NEK3: variants seen among roughly 807,000 people sequenced by gnomAD.
NEK3 encodes the protein serine/threonine-protein kinase Nek3.
Under a neutral mutation model 66.0 loss-of-function variants are expected in NEK3, and 54 were observed. The ratio of observed to expected loss-of-function variants is 0.82; its 90% CI spans 0.66 to 1.03. NEK3 has a LOEUF of 1.03. NEK3 is among the 50% of genes least tolerant of loss of function. The probability of loss-of-function intolerance (pLI) is 0.00; values close to 1 mark genes in which losing one functional copy is unlikely to be tolerated. For missense variants in NEK3, 593 were observed against 603.0 expected (o/e 0.98, Z 0.17); for synonymous variants, 200 against 206.2 (o/e 0.97, Z 0.26).
intron 11 of NEK3, among the ~76,000 whole-genome samples, chr13:52,140,616 A>G (rs1236817791): frequency 3.3e-5 from 5 of 151,914 alleles, no homozygotes; most frequent in Non-Finnish European, 7.4e-5. Flanking sequence ...TCAAATAATA[A>G]TAATAATAAA....
At position 52,136,850 on chromosome 13, in the gene NEK3, T is replaced by C; in HGVS notation, c.980A>G (p.Asn327Ser). The C allele has an allele frequency of 6.3e-7, 1 of 1,574,944 alleles. No homozygotes were observed. The highest frequency in any genetic ancestry group is 1.2e-5 in the South Asian group (1 of 85,756). The change falls in exon 12 of 16, where the codon AAT becomes AGT. Residue 327 changes from asparagine (N) to serine (S), a missense_variant. Physicochemically the swap from Asn to Ser is conservative, Grantham distance 46 (BLOSUM62 1). Transcript: ENST00000610828. ...CAATGCACTTTCAACTAAATTTTCA[T>C]TAATGCTTTCCAAATCAGTATGGCT... The part of the protein sequence containing the change: ...KGSHTDLESI[N>S]ENLVESALRR...
intron 2 of NEK3, 71 bp from the exon 3 acceptor site, chr13:52,154,244 G>A: frequency 1.0e-6 from 1 of 964,254 alleles, no homozygotes; most frequent in Non-Finnish European, 1.5e-6. Flanking sequence ...CAATAACATG[G>A]TTTATATGAC....
In NEK3 at chr13:52,144,666, ACAACCAATC is replaced by A. The variant is rs1956278445; in HGVS notation, c.804+16_804+24del. The A allele has an allele frequency of 6.2e-7, 1 of 1,603,242 alleles. No individual in the cohort carries two copies. The highest frequency in any genetic ancestry group is 8.5e-7 in the Non-Finnish European group (1 of 1,170,686). Reference sequence around the variant, plus strand: ...TTTACCATACACTTGAAAACTGTTCACAACCAATCCAACACAGATCATACCTCGGGGGGT... The same window carrying A: ...TTTACCATACACTTGAAAACTGTTCACAACACAGATCATACCTCGGGGGGT... On this transcript the variant is annotated intron_variant, in intron 9 of 15. Transcript: ENST00000610828.
chr13:52,156,439 G>C, intron 1 of NEK3, 191 bp from the exon 2 acceptor site: 1 of 315,450 alleles, frequency 3.2e-6, no homozygotes, highest in Admixed American at 4.8e-5. Context: ...TTTGCTCTTT[G>C]CCCTCCCTTT....
At position 52,156,178 on chromosome 13, in the gene NEK3, A is replaced by G. The variant is rs1956394417; in HGVS notation, c.14T>C (p.Met5Thr). 1.3e-6 allele frequency: 2 copies of G among 1,596,518 alleles called. No homozygotes were observed. Residue 5 changes from methionine (M) to threonine (T), a missense_variant, in exon 2 of 16, where the codon ATG becomes ACG. Transcript: ENST00000610828. ...GCCCTCCCCAATCATTCTCAGGACC[A>G]TGTAGTCATCCATGCTGGGGCATCC... MDDY[M>T]VLRMIGEGSF...
chr13:52,136,122 C>T lies in NEK3; in HGVS notation c.1168G>A (p.Asp390Asn), dbSNP rs370504927. The T allele has an allele frequency of 5.3e-5, 86 of 1,613,598 alleles. No homozygotes were observed. The highest frequency in any genetic ancestry group is 6.7e-5 in the East Asian group (3 of 44,872). Residue 390 changes from aspartate (D) to asparagine (N), a missense_variant, in exon 13 of 16, where the codon GAT becomes AAT. Coordinates refer to ENST00000610828, the MANE Select transcript of NEK3 (RefSeq NM_002498.3). ...ILTSSLTAEDDRGGSVIKYSK... is the reference protein window; with the variant it reads ...ILTSSLTAEDNRGGSVIKYSK... ...ATTCAATCTGACTACTAACCTCTAT[C>T]GTCCTCTGCTGTTAAACTGGAGGTG...
At chr13:52,134,394 A>C (rs1323928108) in intron 14 of NEK3, among the ~76,000 whole-genome samples, 1 of 152,042 alleles carries the variant, frequency 6.6e-6, no homozygotes, top group African/African-American at 2.4e-5. Context: ...CCAATATAAG[A>C]ATGTATATTA....
At position 52,156,234 on chromosome 13, in the gene NEK3, A is replaced by G. The variant is rs758666798; in HGVS notation, c.-43T>C. The G allele has an allele frequency of 2.5e-6, 3 of 1,204,774 alleles. No individual in the cohort carries two copies. Among genetic ancestry groups the G allele is most frequent in the Non-Finnish European group, 3.6e-6 (3 of 831,658 alleles). The allele number at this position is 1,204,774 out of a possible 1,614,324, so 74.6% of individuals were successfully genotyped here. A position where few individuals can be genotyped will look rare whatever the true frequency, so the allele number is the denominator to read the frequency against. ...GCTGGGCTCCACTCACGCAGTCACC[A>G]TGGGCTCTCCCAAACTGCATTCAAA... On this transcript the variant is annotated 5_prime_UTR_variant, in exon 2 of 16. An upstream start codon of the reference 5' UTR is lost. Coordinates refer to ENST00000610828, the MANE Select transcript of NEK3 (RefSeq NM_002498.3).
At position 52,154,144 on chromosome 13, in the gene NEK3, C is replaced by T. The variant is rs772027779; in HGVS notation, c.147G>A (p.Lys49=). The change falls in exon 3 of 16, where the codon AAG becomes AAA. Residue 49 remains lysine, a synonymous_variant. Transcript: ENST00000610828. Reference sequence around the variant, plus strand: ...TCATTTTGGCTAAAAGAACAGCCTCCTTCCTAGAATTCTGTGTATTAGAGA... The same window carrying T: ...TCATTTTGGCTAAAAGAACAGCCTCTTTCCTAGAATTCTGTGTATTAGAGA... ...KSFSNTQNSR[K]EAVLLAKMKH... The T allele has an allele frequency of 1.6e-5, 25 of 1,610,372 alleles. No individual in the cohort carries two copies. Among genetic ancestry groups the T allele is most frequent in the Non-Finnish European group, 2.1e-5 (25 of 1,177,736 alleles).
At chr13:52,140,864 G>A (rs1171454913) in intron 11 of NEK3, among the ~76,000 whole-genome samples, 156 bp downstream of exon 11, 1 of 151,438 alleles carries the variant, frequency 6.6e-6, no homozygotes, top group African/African-American at 2.4e-5. Context: ...CGCCCAGGCT[G>A]GAGTGCAATG....
chr13:52,154,175 T>C lies in NEK3; in HGVS notation c.118-2A>G. The stretch of plus-strand genomic sequence containing the variant: ...AGAATTCTGTGTATTAGAGAAAGAC[T>C]AGAAAAACATTTTAAATAAGCATAA... On this transcript the variant is annotated splice_acceptor_variant, in intron 2 of 15. Coordinates refer to ENST00000610828, the MANE Select transcript of NEK3 (RefSeq NM_002498.3). LOFTEE classifies it high-confidence loss of function. 1 of 1,564,292 alleles carries C rather than the reference T, an allele frequency of 6.4e-7. No individual in the cohort carries two copies. The highest frequency in any genetic ancestry group is 8.7e-7 in the Non-Finnish European group (1 of 1,146,770).
chr13:52,139,433 G>A (rs180789124), intron 11 of NEK3, among the ~76,000 whole-genome samples: 18 of 152,286 alleles, frequency 1.2e-4, no homozygotes, highest in Admixed American at 1.2e-3. Flanking sequence ...GTGGAAGAGG[G>A]AGTTATTGCT....
intron 11 of NEK3, among the ~76,000 whole-genome samples, chr13:52,137,515 T>C (rs1008051778): frequency 2.6e-5 from 4 of 152,186 alleles, no homozygotes; most frequent in Non-Finnish European, 5.9e-5. Flanking sequence ...AGAGTAGGCT[T>C]GGGTGGCATG....
At chr13:52,149,942 G>A (rs1424559876) in intron 7 of NEK3, among the ~76,000 whole-genome samples, 1 of 149,810 alleles carries the variant, frequency 6.7e-6, no homozygotes, top group African/African-American at 2.5e-5. Context: ...TCCTAAGAAC[G>A]AAGACCTACA....
At chr13:52,141,114 G>A (rs1455663780) in intron 10 of NEK3, 45 bp from the exon 11 acceptor site, 10 of 1,524,872 alleles carry the variant, frequency 6.6e-6, no homozygotes. Context: ...ACACATAAAG[G>A]ATCATCCTAT....
At chr13:52,152,742 T>A in intron 4 of NEK3, 50 bp from the exon 5 acceptor site, 1 of 1,193,844 alleles carries the variant, frequency 8.4e-7, no homozygotes, top group Non-Finnish European at 1.2e-6. Context: ...AACTGGCTCA[T>A]GTTAACCTAC....
chr13:52,158,361 TAC>T (rs1353186628), intron 1 of NEK3, among the ~76,000 whole-genome samples: 1 of 152,210 alleles, frequency 6.6e-6, no homozygotes, highest in African/African-American at 2.4e-5. Flanking sequence ...AAATCAGTCA[TAC>T]ACATTGTCTT....
At chr13:52,141,853 G>A (rs1956252499) in intron 10 of NEK3, among the ~76,000 whole-genome samples, 2 of 151,634 alleles carry the variant, frequency 1.3e-5, no homozygotes, top group Non-Finnish European at 2.9e-5. Flanking sequence ...GCCAAGGCTG[G>A]TGGATCACCT....
chr13:52,147,920 C>T (rs1475605191), intron 8 of NEK3, among the ~76,000 whole-genome samples: 1 of 152,112 alleles, frequency 6.6e-6, no homozygotes, highest in African/African-American at 2.4e-5. Flanking sequence ...CACTTGAACC[C>T]AGGAGGCGGA....
Sources: gnomAD v4.1 joint callset for allele counts (sites outside exome capture counted in the v4.1 genomes callset) on GRCh38, gnomAD v4.1.1 for gene constraint, MANE v1.5 for transcripts, NCBI Gene and HGNC (gene_info 2026-07-23, HGNC 2026-07-21) for gene names.